The following TTC6 variants were observed in gnomAD, a reference collection of about 807,000 sequenced individuals.
TTC6 encodes the protein tetratricopeptide repeat domain 6, also known as tetratricopeptide repeat protein 6.
TTC6 carries 172 observed loss-of-function variants against 210.4 expected under a neutral mutation model. The ratio of observed to expected loss-of-function variants is 0.82; its 90% CI spans 0.72 to 0.93. The LOEUF is 0.93. TTC6 is among the 40% of genes least tolerant of loss of function. The probability of loss-of-function intolerance (pLI) is 0.00; values close to 1 mark genes in which losing one functional copy is unlikely to be tolerated. For synonymous variants in TTC6, 804 were observed against 819.6 expected (o/e 0.98, Z 0.32); for missense variants, 2,414 against 2,318.1 (o/e 1.04, Z -0.85).
At chr14:37,753,149 G>T (rs1363709017) in exon 14 of TTC6, 1 of 1,535,200 alleles carries the variant, frequency 6.5e-7, no homozygotes, top group South Asian at 1.2e-5. Context: ...AACGTGGGCT[G>T]TTTTATTGTG....
intron 6 of TTC6, among the ~76,000 whole-genome samples, chr14:37,718,773 C>G (rs184597310): frequency 1.2e-4 from 19 of 152,026 alleles, no homozygotes; most frequent in African/African-American, 4.6e-4. Context: ...ACAAAAAATA[C>G]AAAAATTAGC....
chr14:37,660,447 G>A (rs1305160989), intron 1 of TTC6, among the ~76,000 whole-genome samples: 1 of 152,032 alleles, frequency 6.6e-6, no homozygotes, highest in Non-Finnish European at 1.5e-5. Context: ...TGTTCTTATT[G>A]TTCAGCTTCC....
At chr14:37,732,641 C>T (rs940487977) in intron 7 of TTC6, among the ~76,000 whole-genome samples, 13 of 151,014 alleles carry the variant, frequency 8.6e-5, no homozygotes, top group East Asian at 2.0e-4. Context: ...TTTTTTGAGA[C>T]GGAGTCTTGC....
intron 2 of TTC6, among the ~76,000 whole-genome samples, chr14:37,614,865 G>A (rs1219433951): frequency 1.3e-5 from 2 of 152,036 alleles, no homozygotes. Context: ...TCTTGCTTCA[G>A]CCTCCCACGT....
At chr14:37,717,387 A>G (rs2095854439) in intron 6 of TTC6, among the ~76,000 whole-genome samples, 1 of 152,168 alleles carries the variant, frequency 6.6e-6, no homozygotes, top group South Asian at 2.1e-4. Context: ...CCCTGCAGAT[A>G]TAAAAATATT....
chr14:37,739,652 C>G (rs1307138372), intron 10 of TTC6, among the ~76,000 whole-genome samples: 1 of 149,738 alleles, frequency 6.7e-6, no homozygotes, highest in East Asian at 2.0e-4. Flanking sequence ...GTGAATGATT[C>G]AAATGATAAT....
chr14:37,640,537 G>T (rs1239622165), intron 1 of TTC6, among the ~76,000 whole-genome samples: 1 of 151,602 alleles, frequency 6.6e-6, no homozygotes. Flanking sequence ...TAATGTAGAG[G>T]TTTTTTTTGT....
intron 10 of TTC6, among the ~76,000 whole-genome samples, chr14:37,748,061 A>G (rs1359916740): frequency 6.6e-6 from 1 of 152,190 alleles, no homozygotes; most frequent in Non-Finnish European, 1.5e-5. Flanking sequence ...AACAAAAACT[A>G]TGCCTGGCTG....
At chr14:37,639,744 G>T (rs868605132) in intron 1 of TTC6, among the ~76,000 whole-genome samples, 17 of 149,836 alleles carry the variant, frequency 1.1e-4, no homozygotes, top group African/African-American at 4.2e-4. Flanking sequence ...AAATTAGCCA[G>T]GTGTGGTGGT....
chr14:37,637,374 A>G (rs1054102410), intron 1 of TTC6, among the ~76,000 whole-genome samples: 5 of 152,214 alleles, frequency 3.3e-5, no homozygotes, highest in African/African-American at 4.8e-5. Context: ...TGAAATGACA[A>G]GCTGTGGACT....
chr14:37,669,531 T>C (rs909034600), intron 1 of TTC6, among the ~76,000 whole-genome samples: 10 of 152,194 alleles, frequency 6.6e-5, no homozygotes, highest in African/African-American at 2.4e-4. Context: ...TTGCCCGAAC[T>C]CCTTGGTACA....
chr14:37,640,368 G>A (rs982138245), intron 1 of TTC6, among the ~76,000 whole-genome samples: 2 of 152,116 alleles, frequency 1.3e-5, no homozygotes, highest in African/African-American at 4.8e-5. Context: ...AAGATCTGCA[G>A]ATGAGATAAA....
rs76022853 is a variant in TTC6, at chr14:37,706,106, C to T, written c.1571+4580C>T. Among the ~76,000 whole-genome samples the T allele has an allele frequency of 7.0e-3, 1,063 of 152,132 alleles. 13 individuals carry two copies. Among genetic ancestry groups the T allele is most frequent in the African/African-American group, 0.024 (1,008 of 41,532 alleles). On this transcript the variant is annotated intron_variant, in intron 5 of 30. Transcript: ENST00000553443. ...CTGAGGCAGGATTTTATGGTTACCC[C>T]GTATGTATGTGTGAGGGCACGTGTG...
At chr14:37,664,841 A>C (rs765614725) in intron 1 of TTC6, among the ~76,000 whole-genome samples, 2 of 150,710 alleles carry the variant, frequency 1.3e-5, no homozygotes, top group Non-Finnish European at 3.0e-5. Flanking sequence ...GGTAAAGGAC[A>C]TGAGCAGACA....
chr14:37,799,306 G>T (rs7359147), intron 20 of TTC6, among the ~76,000 whole-genome samples: 20 of 151,878 alleles, frequency 1.3e-4, no homozygotes, highest in African/African-American at 4.4e-4. Context: ...CTTTATTTTT[G>T]CTCTCTTGAC....
chr14:37,769,586 C>G (rs1383065613), intron 14 of TTC6, among the ~76,000 whole-genome samples: 1 of 152,152 alleles, frequency 6.6e-6, no homozygotes, highest in African/African-American at 2.4e-5. Flanking sequence ...TAGTTTATTT[C>G]TGTAGAGGTA....
chr14:37,778,531 A>C (rs1293714462), intron 14 of TTC6, among the ~76,000 whole-genome samples: 1 of 152,108 alleles, frequency 6.6e-6, no homozygotes, highest in Non-Finnish European at 1.5e-5. Flanking sequence ...TCATTGAGGA[A>C]GGGATGGTGA....
At chr14:37,718,170 A>C (rs1211195721) in intron 6 of TTC6, among the ~76,000 whole-genome samples, 1 of 152,232 alleles carries the variant, frequency 6.6e-6, no homozygotes, top group Non-Finnish European at 1.5e-5. Context: ...AAAATCCTTG[A>C]CAAATGTTAG....
intron 1 of TTC6, among the ~76,000 whole-genome samples, chr14:37,663,971 A>T: frequency 7.2e-6 from 1 of 138,050 alleles, no homozygotes; most frequent in East Asian, 1.9e-4. Flanking sequence ...CTTCAAGGAG[A>T]ACTATAAACC....
Sources: gnomAD v4.1 joint callset for allele counts (sites outside exome capture counted in the v4.1 genomes callset) on GRCh38, gnomAD v4.1.1 for gene constraint, MANE v1.5 for transcripts, NCBI Gene and HGNC (gene_info 2026-07-23, HGNC 2026-07-21) for gene names.